ROBO2: variants seen among roughly 807,000 people sequenced by gnomAD.
The protein encoded by ROBO2 is roundabout guidance receptor 2.
A neutral mutation model predicts 160.8 loss-of-function variants in ROBO2; 53 were observed. The observed-to-expected ratio is 0.33, with a 90% confidence interval of 0.26 to 0.41. The LOEUF is 0.41. Among genes scored for constraint, ROBO2 ranks in the 10% least tolerant of loss-of-function variants. The pLI, the probability that ROBO2 is intolerant of heterozygous loss-of-function variation, is 1.00. For synonymous variants in ROBO2, 664 were observed against 611.7 expected (o/e 1.09, Z -1.26); for missense variants, 1,577 against 1,722.4 (o/e 0.92, Z 1.49).
intron 2 of ROBO2, among the ~76,000 whole-genome samples, chr3:77,385,796 A>G (rs1033104321): frequency 6.6e-6 from 1 of 152,170 alleles, no homozygotes; most frequent in Non-Finnish European, 1.5e-5. Context: ...AAGTAAAGAC[A>G]CTTTGTTGCA....
At chr3:76,836,569 A>G (rs1244462432) in intron 2 of ROBO2, among the ~76,000 whole-genome samples, 1 of 151,664 alleles carries the variant, frequency 6.6e-6, no homozygotes, top group Non-Finnish European at 1.5e-5. Flanking sequence ...TTTGATCCAC[A>G]TACTTTCTAA....
chr3:77,352,861 A>G (rs1008892656), intron 2 of ROBO2, among the ~76,000 whole-genome samples: 46 of 152,294 alleles, frequency 3.0e-4, no homozygotes, highest in African/African-American at 1.1e-3. Flanking sequence ...GAGAGCATTC[A>G]GGAAAATGCA....
At chr3:76,491,944 C>T (rs753929737) in intron 2 of ROBO2, among the ~76,000 whole-genome samples, 1 of 151,902 alleles carries the variant, frequency 6.6e-6, no homozygotes, top group Non-Finnish European at 1.5e-5. Flanking sequence ...AAAATACAAA[C>T]AAACAAACAA....
At chr3:77,591,952 T>G (rs1288172865) in intron 17 of ROBO2, among the ~76,000 whole-genome samples, 2 of 152,122 alleles carry the variant, frequency 1.3e-5, no homozygotes, top group Non-Finnish European at 2.9e-5. Context: ...ATTTTAGGAG[T>G]TCTAATTGTT....
chr3:76,034,024 G>GGGCA (rs1413048791), intron 2 of ROBO2, among the ~76,000 whole-genome samples: 2 of 152,182 alleles, frequency 1.3e-5, no homozygotes, highest in African/African-American at 2.4e-5. Flanking sequence ...GGGCAACCCA[G>GGGCA]ATTCAGGAGT....
intron 2 of ROBO2, among the ~76,000 whole-genome samples, chr3:77,229,338 T>G (rs2151271632): frequency 6.6e-6 from 1 of 152,274 alleles, no homozygotes; most frequent in Non-Finnish European, 1.5e-5. Context: ...CTAATATTAT[T>G]ACTATACTAT....
intron 2 of ROBO2, among the ~76,000 whole-genome samples, chr3:76,830,244 T>C (rs17014776): frequency 0.13 from 19,552 of 152,114 alleles, 1,418 homozygotes; most frequent in East Asian, 0.24. Flanking sequence ...ATTCAGAACC[T>C]CAGCCATTCG....
At chr3:77,252,571 G>T (rs1402140818) in intron 2 of ROBO2, among the ~76,000 whole-genome samples, 1 of 151,536 alleles carries the variant, frequency 6.6e-6, no homozygotes, top group Admixed American at 6.6e-5. Flanking sequence ...ACTTTGGGAG[G>T]CCGAGGCGGG....
intron 2 of ROBO2, among the ~76,000 whole-genome samples, chr3:76,882,379 C>T (rs2073440932): frequency 6.6e-6 from 1 of 152,096 alleles, no homozygotes; most frequent in African/African-American, 2.4e-5. Flanking sequence ...GTTTATCTTT[C>T]TCGGTTTTAC....
At chr3:77,612,270 T>C (rs1216215766) in intron 21 of ROBO2, among the ~76,000 whole-genome samples, 1 of 152,224 alleles carries the variant, frequency 6.6e-6, no homozygotes, top group Non-Finnish European at 1.5e-5. Flanking sequence ...TGTATATCTG[T>C]AAAATGTGAA....
chr3:76,463,064 G>A (rs2078172045), intron 2 of ROBO2, among the ~76,000 whole-genome samples: 1 of 152,138 alleles, frequency 6.6e-6, no homozygotes, highest in South Asian at 2.1e-4. Context: ...GGGAAGTGGA[G>A]GCTGTGGCCA....
chr3:76,339,303 G>T (rs1296190922), intron 2 of ROBO2, among the ~76,000 whole-genome samples: 2 of 152,134 alleles, frequency 1.3e-5, no homozygotes, highest in East Asian at 3.8e-4. Flanking sequence ...TTTAGATGTT[G>T]TGTCTCAAAT....
intron 2 of ROBO2, among the ~76,000 whole-genome samples, chr3:76,737,636 A>C (rs1427459625): frequency 2.0e-5 from 3 of 152,148 alleles, no homozygotes; most frequent in Non-Finnish European, 4.4e-5. Flanking sequence ...TACTTCAATA[A>C]ATCTTTGTAT....
chr3:76,834,421 G>A (rs1003956191), intron 2 of ROBO2, among the ~76,000 whole-genome samples: 1 of 151,804 alleles, frequency 6.6e-6, no homozygotes, highest in Non-Finnish European at 1.5e-5. Context: ...CTGGAGTGCA[G>A]GGGCACCATC....
At chr3:76,056,587 A>G (rs537777440) in intron 2 of ROBO2, among the ~76,000 whole-genome samples, 5 of 152,306 alleles carry the variant, frequency 3.3e-5, no homozygotes, top group Non-Finnish European at 4.4e-5. Context: ...AAGAAAAAGA[A>G]AAGAAAAAGG....
At chr3:77,519,630 A>G (rs573638178) in intron 5 of ROBO2, among the ~76,000 whole-genome samples, 1 of 151,522 alleles carries the variant, frequency 6.6e-6, no homozygotes, top group East Asian at 2.0e-4. Context: ...ATGGCTGTGT[A>G]GTATTCCATG....
At chr3:77,297,940 C>T (rs2062298427) in intron 2 of ROBO2, among the ~76,000 whole-genome samples, 1 of 152,094 alleles carries the variant, frequency 6.6e-6, no homozygotes. Flanking sequence ...TAGAAAGAGT[C>T]GTTGGACATG....
chr3:77,309,551 G>T (rs2063369043), intron 2 of ROBO2, among the ~76,000 whole-genome samples: 1 of 152,192 alleles, frequency 6.6e-6, no homozygotes, highest in African/African-American at 2.4e-5. Context: ...AATTAGGGTT[G>T]CCAAGTTTAG....
intron 2 of ROBO2, among the ~76,000 whole-genome samples, chr3:76,415,347 C>T (rs1040864799): frequency 6.6e-6 from 1 of 152,146 alleles, no homozygotes; most frequent in Non-Finnish European, 1.5e-5. Context: ...TCAGAAATGT[C>T]TGAAAGGCTC....
Sources: allele counts gnomAD v4.1 joint callset (sites outside exome capture counted in the v4.1 genomes callset), GRCh38; gene constraint gnomAD v4.1.1; transcripts MANE v1.5; gene names NCBI Gene and HGNC (gene_info 2026-07-23, HGNC 2026-07-21).